The following DLC1 variants were observed in gnomAD, a reference collection of about 807,000 sequenced individuals.
The protein encoded by DLC1 is rho GTPase-activating protein 7.
In DLC1, 54 loss-of-function variants were observed where a neutral mutation model predicts 140.3. That is an observed-to-expected ratio of 0.38 (90% CI 0.31 to 0.48). DLC1 has a LOEUF of 0.48. Among genes scored for constraint, DLC1 ranks in the 20% least tolerant of loss-of-function variants. The probability of loss-of-function intolerance (pLI) is 0.96; values close to 1 mark genes in which losing one functional copy is unlikely to be tolerated. For synonymous variants in DLC1, 986 were observed against 728.1 expected (o/e 1.35, Z -5.70); for missense variants, 2,536 against 1,907.0 (o/e 1.33, Z -6.14).
intron 4 of DLC1, among the ~76,000 whole-genome samples, chr8:13,328,558 G>C (rs186247438): frequency 2.4e-4 from 37 of 152,310 alleles, no homozygotes; most frequent in African/African-American, 7.9e-4. Flanking sequence ...CTCAACTAGA[G>C]AGAGTTGTGA....
intron 5 of DLC1, among the ~76,000 whole-genome samples, chr8:13,165,675 G>C (rs1413907000): frequency 6.6e-6 from 1 of 152,198 alleles, no homozygotes; most frequent in East Asian, 1.9e-4. Flanking sequence ...AGTATAGCCA[G>C]AGCAGTGGAC....
intron 5 of DLC1, among the ~76,000 whole-genome samples, chr8:13,272,791 G>A (rs1012706436): frequency 2.6e-5 from 4 of 152,184 alleles, no homozygotes; most frequent in Non-Finnish European, 4.4e-5. Context: ...AGAGAATGGC[G>A]TCAACCCAGG....
chr8:13,544,886 C>A (rs560617723), intron 1 of DLC1, among the ~76,000 whole-genome samples: 1 of 152,206 alleles, frequency 6.6e-6, no homozygotes, highest in East Asian at 1.9e-4. Flanking sequence ...AGAATTTGAT[C>A]TATCCGTGAA....
At chr8:13,501,895 T>G (rs1801838156) in intron 1 of DLC1, among the ~76,000 whole-genome samples, 1 of 152,234 alleles carries the variant, frequency 6.6e-6, no homozygotes, top group East Asian at 1.9e-4. Flanking sequence ...AGAAAATTTC[T>G]GCTTTCATGG....
chr8:13,403,905 C>T lies in DLC1; in HGVS notation c.1024-2286G>A, dbSNP rs544160281. 1.7e-4 allele frequency among the ~76,000 whole-genome samples: 25 copies of T among 147,594 alleles called. No homozygotes were observed. In the South Asian group the frequency reaches 2.8e-3, roughly 16 times the overall value. On this transcript the variant is annotated intron_variant, in intron 2 of 17. Transcript: ENST00000276297. ...AACTCCTGCACTCAGGAGATACTCT[C>T]GTCTCGGCTTCCCAAAGTGCTGGGA...
At chr8:13,397,597 G>C (rs1458901880) in intron 3 of DLC1, among the ~76,000 whole-genome samples, 1 of 152,034 alleles carries the variant, frequency 6.6e-6, no homozygotes, top group Non-Finnish European at 1.5e-5. Flanking sequence ...GGGAGGCCGA[G>C]GTGGGAAGAC....
chr8:13,378,668 A>G (rs912794170), intron 4 of DLC1, among the ~76,000 whole-genome samples: 2 of 152,072 alleles, frequency 1.3e-5, no homozygotes, highest in Admixed American at 6.6e-5. Context: ...TTTTTTTGTT[A>G]CATGTTCTTT....
chr8:13,594,367 AATGTTGTTTCT>A (rs1332535423), intron 1 of DLC1, among the ~76,000 whole-genome samples: 3 of 152,140 alleles, frequency 2.0e-5, no homozygotes, highest in African/African-American at 7.2e-5. Flanking sequence ...GTTTTCTGTA[AATGTTGTTTCT>A]ATGGCCATTG....
At chr8:13,406,696 T>C (rs986236877) in intron 2 of DLC1, among the ~76,000 whole-genome samples, 1 of 152,204 alleles carries the variant, frequency 6.6e-6, no homozygotes, top group African/African-American at 2.4e-5. Flanking sequence ...ATGACTCAAT[T>C]AACTGTTGGT....
At chr8:13,146,011 G>T (rs1823407135) in intron 5 of DLC1, among the ~76,000 whole-genome samples, 1 of 152,118 alleles carries the variant, frequency 6.6e-6, no homozygotes, top group Non-Finnish European at 1.5e-5. Context: ...GGGCGCAGTG[G>T]CTCATACCTG....
At chr8:13,298,622 C>G (rs1343721945) in intron 5 of DLC1, among the ~76,000 whole-genome samples, 1 of 152,090 alleles carries the variant, frequency 6.6e-6, no homozygotes, top group Admixed American at 6.6e-5. Context: ...ACAGAAAAGA[C>G]GTAGCTTTTT....
intron 2 of DLC1, among the ~76,000 whole-genome samples, chr8:13,441,855 A>G (rs1290610928): frequency 2.0e-5 from 3 of 151,830 alleles, no homozygotes; most frequent in Non-Finnish European, 4.4e-5. Context: ...ATTGGAAAAA[A>G]CTAAAGTTCA....
chr8:13,118,743 C>T (rs565016739), intron 5 of DLC1, among the ~76,000 whole-genome samples: 19 of 152,056 alleles, frequency 1.2e-4, no homozygotes, highest in Admixed American at 5.2e-4. Context: ...TATCTACATG[C>T]GAGTCACACA....
At chr8:13,401,695 A>G (rs935089077) in intron 2 of DLC1, 76 bp from the exon 3 acceptor site, 3 of 1,537,820 alleles carry the variant, frequency 2.0e-6, no homozygotes, top group African/African-American at 1.4e-5. Flanking sequence ...CTGTTCTTCA[A>G]TGTGACAAAA....
chr8:13,461,787 C>G (rs998941087), intron 2 of DLC1, among the ~76,000 whole-genome samples: 1 of 152,124 alleles, frequency 6.6e-6, no homozygotes, highest in African/African-American at 2.4e-5. Context: ...CAGAGGGAGC[C>G]TCATCTCTCC....
chr8:13,155,104 C>G (rs1824150625), intron 5 of DLC1, among the ~76,000 whole-genome samples: 1 of 149,098 alleles, frequency 6.7e-6, no homozygotes, highest in Admixed American at 6.7e-5. Context: ...TCACTAATTT[C>G]TATGCAAACT....
chr8:13,098,732 C>T (rs1169500492), intron 9 of DLC1, among the ~76,000 whole-genome samples, 157 bp from the exon 10 acceptor site: 1 of 152,260 alleles, frequency 6.6e-6, no homozygotes, highest in Non-Finnish European at 1.5e-5. Flanking sequence ...CCTCCTGCCT[C>T]AGCCTCCTGA....
chr8:13,473,148 A>G (rs1022213678), intron 2 of DLC1, among the ~76,000 whole-genome samples: 3 of 152,198 alleles, frequency 2.0e-5, no homozygotes, highest in Admixed American at 1.3e-4. Context: ...GGTACTATTT[A>G]TGAGTATACC....
intron 5 of DLC1, among the ~76,000 whole-genome samples, chr8:13,216,902 GTTCTCTAATT>G: frequency 6.6e-6 from 1 of 152,122 alleles, no homozygotes; most frequent in Non-Finnish European, 1.5e-5. Context: ...ACCTGTAATT[GTTCTCTAATT>G]GGGTGATGTG....
Sources: gnomAD v4.1 joint callset for allele counts (sites outside exome capture counted in the v4.1 genomes callset) on GRCh38, gnomAD v4.1.1 for gene constraint, MANE v1.5 for transcripts, NCBI Gene and HGNC (gene_info 2026-07-23, HGNC 2026-07-21) for gene names.